TOP3B: variants seen among roughly 807,000 people sequenced by gnomAD.
TOP3B encodes the protein DNA topoisomerase III beta.
TOP3B carries 45 observed loss-of-function variants against 93.9 expected under a neutral mutation model. That is an observed-to-expected ratio of 0.48 (90% confidence interval 0.38 to 0.61). TOP3B has a LOEUF of 0.61. TOP3B is among the 20% of genes least tolerant of loss of function. The pLI is 0.00. For synonymous variants in TOP3B, 357 were observed against 472.6 expected, an observed-to-expected ratio of 0.76 and a Z score of 3.17; for missense variants, 750 against 1,156.1, an observed-to-expected ratio of 0.65 and a Z score of 5.09.
At chr22:21,978,563 A>C (rs1051895322) in intron 1 of TOP3B, among the ~76,000 whole-genome samples, 4 of 152,108 alleles carry the variant, frequency 2.6e-5, no homozygotes, top group African/African-American at 9.7e-5. Context: ...ATGTGGAAGG[A>C]GCCCAGGCTG....
chr22:21,960,470 G>A (rs898048199), intron 13 of TOP3B, 21 bp from the exon 14 acceptor site: 1 of 1,612,558 alleles, frequency 6.2e-7, no homozygotes, highest in Non-Finnish European at 8.5e-7. Context: ...CAAGGCCCCA[G>A]GGTTCCTGGC....
intron 8 of TOP3B, chr22:21,966,758 C>T (rs764285530): frequency 3.3e-5 from 5 of 152,272 alleles, no homozygotes; most frequent in Non-Finnish European, 7.3e-5. Context: ...CAGGGCAGTG[C>T]CTTCTGCATT....
At position 21,962,149 on chromosome 22, in the gene TOP3B, A is replaced by T. The variant is rs80134815; in HGVS notation, c.1525+280T>A. On this transcript the variant is annotated intron_variant, in intron 13 of 17. Transcript: ENST00000357179. ...TCACCTGGCATCTGGGCCAATCTTC[A>T]GCCTTGTGGGCGTTAGTCGGTGTGT... is the stretch of plus-strand genomic sequence containing the variant. 1.1e-3 allele frequency: 1,537 copies of T among 1,376,242 alleles called. 10 individuals are homozygous for T. The African/African-American group carries it at 0.021, about 18-fold the overall frequency. 85.3% of individuals were successfully genotyped at this position (1,376,242 alleles called of 1,614,324 possible). A position where few individuals can be genotyped will look rare whatever the true frequency, so the allele number is the denominator to read the frequency against.
intron 13 of TOP3B, chr22:21,962,053 T>G: frequency 9.1e-7 from 1 of 1,102,030 alleles, no homozygotes; most frequent in Non-Finnish European, 1.2e-6. Context: ...CTCATTTCCC[T>G]GTCACCTGAT....
rs1353859768 is a variant in TOP3B, at chr22:21,970,436, C to T, written c.385-30G>A. 1.2e-6 allele frequency: 2 copies of T among 1,605,982 alleles called. No homozygotes were observed. Among genetic ancestry groups the T allele is most frequent in the South Asian group, 2.2e-5 (2 of 90,328 alleles). ...GGGTGGGGAGTGGCCAGCTGTGACC[C>T]ACCTCCCAGATCCCTGCCACAGCTC... On this transcript the variant is annotated intron_variant, in intron 5 of 17. Coordinates refer to ENST00000357179, the MANE Select transcript of TOP3B (RefSeq NM_001282112.2). This position sits in a 1 kb window ranked among gnomAD's most constrained non-coding sequence, Gnocchi z 4.4.
Position 21,971,760 on chromosome 22 carries a change from C to T in TOP3B, c.384+117G>A, listed in dbSNP as rs907084123. 24 of 866,688 alleles carry T rather than the reference C, an allele frequency of 2.8e-5. No homozygotes were observed. In the East Asian group the frequency reaches 5.6e-4, roughly 20 times the overall value. The allele number at this position is 866,688 out of a possible 1,614,324, so 53.7% of individuals were successfully genotyped here. A position where few individuals can be genotyped will look rare whatever the true frequency, so the allele number is the denominator to read the frequency against. ...AAGGGAGGGGAGAGGTGTTTTTAAA[C>T]CGGTACAGTTTACTCCCTCCTTTGG... On this transcript the variant is annotated intron_variant, in intron 5 of 17. Coordinates refer to ENST00000357179, the MANE Select transcript of TOP3B (RefSeq NM_001282112.2). The surrounding 1 kb of genome is among the most constrained non-coding windows in gnomAD (Gnocchi z 4.6).
chr22:21,970,846 A>G lies in TOP3B; in HGVS notation c.385-440T>C. Reference sequence around the variant, plus strand: ...GTGGGTGGAAATTTTAAGAGGCTGAAGAAAAGACAGGGAAGGAAAAAAGAA... The same window carrying G: ...GTGGGTGGAAATTTTAAGAGGCTGAGGAAAAGACAGGGAAGGAAAAAAGAA... On this transcript the variant is annotated intron_variant, in intron 5 of 17. Transcript: ENST00000357179. The surrounding 1 kb of genome is among the most constrained non-coding windows in gnomAD (Gnocchi z 4.4). 1 of 404,988 alleles carries G rather than the reference A, an allele frequency of 2.5e-6. No homozygotes were observed. Among genetic ancestry groups the G allele is most frequent in the Non-Finnish European group, 3.9e-6 (1 of 258,358 alleles). The allele number at this position is 404,988 out of a possible 1,614,324, so 25.1% of individuals were successfully genotyped here.
intron 1 of TOP3B, among the ~76,000 whole-genome samples, chr22:21,980,575 G>A (rs2084608022): frequency 6.6e-6 from 1 of 152,222 alleles, no homozygotes; most frequent in Admixed American, 6.5e-5. Context: ...CTCAAAATAA[G>A]TAAGTGGATG....
At chr22:21,962,221 G>A in intron 13 of TOP3B, 1 of 1,501,822 alleles carries the variant, frequency 6.7e-7, no homozygotes, top group Middle Eastern at 2.4e-4. Flanking sequence ...TCACAGGGAA[G>A]GCCAGGTCCT....
Position 21,967,061 on chromosome 22 carries a change from G to A in TOP3B, c.852+542C>T, listed in dbSNP as rs79861690. 5.6e-3 allele frequency: 902 copies of A among 161,702 alleles called. 9 individuals are homozygous for A. The highest frequency in any genetic ancestry group is 0.021 in the African/African-American group (863 of 41,668). 10.0% of individuals were successfully genotyped at this position (161,702 alleles called of 1,614,324 possible). On this transcript the variant is annotated intron_variant, in intron 8 of 17. Coordinates refer to ENST00000357179, the MANE Select transcript of TOP3B (RefSeq NM_001282112.2). ...TGTTTACTTCAATAGCCACAGATGTGTCCCCAACCCATGCAGCCAGGTCAC... is the reference window on the plus strand; with the variant it reads ...TGTTTACTTCAATAGCCACAGATGTATCCCCAACCCATGCAGCCAGGTCAC...
At chr22:21,975,873 A>C in intron 1 of TOP3B, 66 bp from the exon 2 acceptor site, 9 of 1,104,778 alleles carry the variant, frequency 8.1e-6, no homozygotes, top group Non-Finnish European at 1.0e-5. Flanking sequence ...CTACAAGGAA[A>C]ATCACTTTAA....
At chr22:21,964,580 C>T (rs574041304) in intron 9 of TOP3B, 1 of 531,520 alleles carries the variant, frequency 1.9e-6, no homozygotes, top group Non-Finnish European at 3.4e-6. Flanking sequence ...CACTCTACCC[C>T]ACGGTGCATC....
chr22:21,965,194 G>T lies in TOP3B; in HGVS notation c.943+91C>A, dbSNP rs567601368. 6 of 846,128 alleles carry T rather than the reference G, an allele frequency of 7.1e-6. No individual in the cohort carries two copies. In the East Asian group the frequency reaches 1.2e-4, roughly 17 times the overall value. The allele number at this position is 846,128 out of a possible 1,614,324, so 52.4% of individuals were successfully genotyped here. A position where few individuals can be genotyped will look rare whatever the true frequency, so the allele number is the denominator to read the frequency against. The stretch of plus-strand genomic sequence containing the variant: ...GGCTCAGATCCCCTTGAAGCCTTGG[G>T]CACCATCCTGCAACCCTGGGCACTC... On this transcript the variant is annotated intron_variant, in intron 9 of 17. Transcript: ENST00000357179.
chr22:21,974,741 G>A (rs1487358398), intron 2 of TOP3B: 1 of 342,944 alleles, frequency 2.9e-6, no homozygotes, highest in Non-Finnish European at 5.3e-6. Flanking sequence ...GGAGCCAGGA[G>A]CAGGCAGGGG....
chr22:21,972,033 G>A, intron 4 of TOP3B, 82 bp from the exon 5 acceptor site: 1 of 1,301,438 alleles, frequency 7.7e-7, no homozygotes, highest in Non-Finnish European at 1.1e-6. Context: ...TCCAGGACAG[G>A]GCTTGGTCCC....
chr22:21,979,665 G>C (rs1476632871), intron 1 of TOP3B, among the ~76,000 whole-genome samples: 1 of 149,612 alleles, frequency 6.7e-6, no homozygotes, highest in African/African-American at 2.5e-5. Context: ...TCTCTGGCCG[G>C]GCGCGGTGGC....
Position 21,960,343 on chromosome 22 carries a change from C to G in TOP3B, c.1632G>C (p.Leu544=), listed in dbSNP as rs554720786. Residue 544 remains leucine (L), a synonymous_variant, in exon 14 of 18, where the codon CTG becomes CTC. Transcript: ENST00000357179. ...RLKPTNLGIV[L]VHGYYKIDAE... is the part of the protein sequence containing the mutation. ...CACCAATCTTATAGTAGCCGTGCAC[C>G]AGGACGATGCCGAGGTTGGTGGGCT... 1.3e-5 allele frequency: 21 copies of G among 1,613,494 alleles called. No homozygotes were observed. The highest frequency in any genetic ancestry group is 1.8e-5 in the Non-Finnish European group (21 of 1,179,976).
In TOP3B at chr22:21,972,239, T is replaced by G. The variant is rs743525; in HGVS notation, c.310-288A>C. ...AGGGTTAAAATGAAATAACCCTAAATGATAACAGCAGTCGTCTTGGGTAAT... is the reference window on the plus strand; with the variant it reads ...AGGGTTAAAATGAAATAACCCTAAAGGATAACAGCAGTCGTCTTGGGTAAT... On this transcript the variant is annotated intron_variant, in intron 4 of 17. Transcript: ENST00000357179. 0.11 allele frequency: 51,345 copies of G among 479,114 alleles called. 3,024 individuals are homozygous for G. Among genetic ancestry groups the G allele is most frequent in the Non-Finnish European group, 0.12 (32,527 of 272,766 alleles). 29.7% of individuals were successfully genotyped at this position (479,114 alleles called of 1,614,324 possible). A position where few individuals can be genotyped will look rare whatever the true frequency, so the allele number is the denominator to read the frequency against.
At position 21,970,805 on chromosome 22, in the gene TOP3B, G is replaced by C; in HGVS notation, c.385-399C>G. Reference sequence around the variant, plus strand: ...TGACACGATTCCCTGCCTTCTAGGAGGGAGGGTTTGGAGGGGTGGGTGGAA... The same window carrying C: ...TGACACGATTCCCTGCCTTCTAGGACGGAGGGTTTGGAGGGGTGGGTGGAA... On this transcript the variant is annotated intron_variant, in intron 5 of 17. Coordinates refer to ENST00000357179, the MANE Select transcript of TOP3B (RefSeq NM_001282112.2). The surrounding 1 kb of genome is among the most constrained non-coding windows in gnomAD (Gnocchi z 4.4). 3.3e-6 allele frequency: 1 copy of C among 299,260 alleles called. No individual in the cohort carries two copies. The highest frequency in any genetic ancestry group is 6.4e-6 in the Non-Finnish European group (1 of 156,650). 18.5% of individuals were successfully genotyped at this position (299,260 alleles called of 1,614,324 possible). A position where few individuals can be genotyped will look rare whatever the true frequency, so the allele number is the denominator to read the frequency against.
Sources: gnomAD v4.1 joint callset for allele counts (sites outside exome capture counted in the v4.1 genomes callset) on GRCh38, gnomAD v4.1.1 for gene constraint, Gnocchi (gnomAD v3.1) non-coding constraint, MANE v1.5 for transcripts, NCBI Gene and HGNC (gene_info 2026-07-23, HGNC 2026-07-21) for gene names.